PRKG1: variants seen among roughly 807,000 people sequenced by gnomAD.
PRKG1 encodes the protein cGMP-dependent protein kinase 1.
In PRKG1, 35 loss-of-function variants were observed where a neutral mutation model predicts 88.1. The ratio of observed to expected loss-of-function variants is 0.40; its 90% confidence interval spans 0.30 to 0.53. The LOEUF (loss-of-function observed/expected upper bound fraction) is 0.53. PRKG1 is among the 20% of genes least tolerant of loss of function. PRKG1 has a pLI of 0.59. For synonymous variants in PRKG1, 303 were observed against 292.5 expected (o/e 1.04, Z -0.37); for missense variants, 540 against 839.8 (o/e 0.64, Z 4.41).
At chr10:52,142,463 G>T (rs778256276) in intron 8 of PRKG1, among the ~76,000 whole-genome samples, 24 of 151,980 alleles carry the variant, frequency 1.6e-4, no homozygotes, top group Non-Finnish European at 3.2e-4. Flanking sequence ...GGAATTGATG[G>T]CTTATGAATT....
chr10:52,002,549 G>A (rs1157066466), intron 5 of PRKG1, among the ~76,000 whole-genome samples: 1 of 152,086 alleles, frequency 6.6e-6, no homozygotes, highest in African/African-American at 2.4e-5. Flanking sequence ...ACAAAATAAT[G>A]TGCCATTGTG....
intron 12 of PRKG1, 25 bp downstream of exon 12, chr10:52,272,506 GATA>G: frequency 1.3e-6 from 2 of 1,514,504 alleles, no homozygotes; most frequent in East Asian, 2.3e-5. Flanking sequence ...AAATTTCTAT[GATA>G]TCTCTAAAAA....
At chr10:51,372,944 G>T (rs1588890633) in intron 2 of PRKG1, among the ~76,000 whole-genome samples, 1 of 151,882 alleles carries the variant, frequency 6.6e-6, no homozygotes, top group African/African-American at 2.4e-5. Flanking sequence ...ATTTTGTTTA[G>T]GATTTTTTAA....
In PRKG1 at chr10:52,282,143, T is replaced by A; in HGVS notation, c.1546-10T>A. 1 of 1,581,380 alleles carries A rather than the reference T, an allele frequency of 6.3e-7. No homozygotes were observed. Among genetic ancestry groups the A allele is most frequent in the Non-Finnish European group, 8.6e-7 (1 of 1,164,056 alleles). On this transcript the variant is annotated splice_polypyrimidine_tract_variant and intron_variant, in intron 13 of 17. Coordinates refer to ENST00000373980, the MANE Select transcript of PRKG1 (RefSeq NM_006258.4). Reference sequence around the variant, plus strand: ...GGAGCTTAAGTATCTTGTTTTTCTCTCTTTGTAAGGTTGATTTTGGCTTTG... The same window carrying A: ...GGAGCTTAAGTATCTTGTTTTTCTCACTTTGTAAGGTTGATTTTGGCTTTG...
intron 4 of PRKG1, among the ~76,000 whole-genome samples, chr10:51,835,859 A>AT (rs1259253546): frequency 6.6e-6 from 1 of 152,182 alleles, no homozygotes; most frequent in African/African-American, 2.4e-5. Context: ...TGCCAACAGT[A>AT]TACAAGGGTT....
At chr10:52,121,364 G>A (rs936776838) in intron 7 of PRKG1, among the ~76,000 whole-genome samples, 5 of 152,140 alleles carry the variant, frequency 3.3e-5, no homozygotes, top group Admixed American at 2.6e-4. Context: ...ACAGTCGCTT[G>A]ACCACACGGT....
chr10:51,125,493 G>T (rs1411342643), intron 1 of PRKG1, among the ~76,000 whole-genome samples: 1 of 150,266 alleles, frequency 6.7e-6, no homozygotes, highest in African/African-American at 2.4e-5. Flanking sequence ...TTCAAGCCTG[G>T]CCAACATAGT....
intron 10 of PRKG1, among the ~76,000 whole-genome samples, chr10:52,260,573 G>A (rs1564535992): frequency 2.6e-5 from 4 of 152,056 alleles, no homozygotes; most frequent in African/African-American, 7.2e-5. Context: ...AGAATAAATT[G>A]AATCTATGTG....
At chr10:51,082,111 T>A (rs117550250) in intron 1 of PRKG1, among the ~76,000 whole-genome samples, 4,903 of 152,198 alleles carry the variant, frequency 0.032, 113 homozygotes, top group Non-Finnish European at 0.05. Context: ...GATTCTGGAT[T>A]ATCCCAATTT....
At chr10:51,383,372 G>T (rs910499295) in intron 2 of PRKG1, among the ~76,000 whole-genome samples, 3 of 152,062 alleles carry the variant, frequency 2.0e-5, no homozygotes, top group Non-Finnish European at 2.9e-5. Flanking sequence ...CAATTAGAAG[G>T]CAGCAAACAC....
intron 4 of PRKG1, among the ~76,000 whole-genome samples, chr10:51,831,023 C>T (rs374025414): frequency 2.2e-4 from 33 of 151,866 alleles, no homozygotes; most frequent in South Asian, 4.1e-4. Flanking sequence ...AAACCATTAT[C>T]GACTGAGGTT....
chr10:51,741,383 G>T (rs570344677), intron 3 of PRKG1, among the ~76,000 whole-genome samples: 1 of 151,718 alleles, frequency 6.6e-6, no homozygotes, highest in South Asian at 2.1e-4. Flanking sequence ...ATTTAATTTT[G>T]GGGGTCCATT....
intron 5 of PRKG1, among the ~76,000 whole-genome samples, chr10:51,997,564 T>G (rs1055972266): frequency 6.6e-6 from 1 of 152,028 alleles, no homozygotes; most frequent in Non-Finnish European, 1.5e-5. Context: ...TAGAAAAATA[T>G]TGAGAGAAAA....
intron 9 of PRKG1, among the ~76,000 whole-genome samples, chr10:52,215,828 T>C (rs1840096079): frequency 6.6e-6 from 1 of 152,220 alleles, no homozygotes; most frequent in Non-Finnish European, 1.5e-5. Flanking sequence ...AGTTGTGCTC[T>C]AAAAGTGAAA....
chr10:51,385,147 A>G (rs1837218552), intron 2 of PRKG1, among the ~76,000 whole-genome samples: 1 of 152,228 alleles, frequency 6.6e-6, no homozygotes, highest in Non-Finnish European at 1.5e-5. Context: ...GGCCTTGTGA[A>G]ACGGCTTTGG....
intron 3 of PRKG1, among the ~76,000 whole-genome samples, chr10:51,755,207 G>C (rs958440632): frequency 1.3e-5 from 2 of 152,158 alleles, no homozygotes; most frequent in Non-Finnish European, 2.9e-5. Context: ...CTGCTCAACT[G>C]TTAAGCTGTA....
intron 3 of PRKG1, among the ~76,000 whole-genome samples, chr10:51,693,992 T>A (rs1207020637): frequency 6.6e-6 from 1 of 152,274 alleles, no homozygotes; most frequent in Non-Finnish European, 1.5e-5. Flanking sequence ...ACATTTAATA[T>A]TAAAATTTAT....
At chr10:51,880,112 T>A (rs1328373570) in intron 4 of PRKG1, among the ~76,000 whole-genome samples, 1 of 152,198 alleles carries the variant, frequency 6.6e-6, no homozygotes, top group Non-Finnish European at 1.5e-5. Context: ...CACAAGAAAA[T>A]TTTATTGTAT....
chr10:51,767,887 G>A (rs1017013433), intron 3 of PRKG1, among the ~76,000 whole-genome samples: 1 of 151,970 alleles, frequency 6.6e-6, no homozygotes, highest in African/African-American at 2.4e-5. Context: ...ATGGAGGTGA[G>A]AGAGTAGAGA....
Sources: allele counts gnomAD v4.1 joint callset (sites outside exome capture counted in the v4.1 genomes callset), GRCh38; gene constraint gnomAD v4.1.1; transcripts MANE v1.5; gene names NCBI Gene and HGNC (gene_info 2026-07-23, HGNC 2026-07-21).